The following KCNQ3 variants were observed in gnomAD, a reference collection of about 807,000 sequenced individuals.
KCNQ3 encodes the protein potassium voltage-gated channel subfamily Q member 3, also known as potassium voltage-gated channel subfamily KQT member 3.
Under a neutral mutation model 92.5 loss-of-function variants are expected in KCNQ3, and 30 were observed. The ratio of observed to expected loss-of-function variants is 0.32; its 90% CI spans 0.24 to 0.44. The LOEUF (loss-of-function observed/expected upper bound fraction) is 0.44, where lower values mean the gene tolerates loss of function less well. KCNQ3 is among the 20% of genes least tolerant of loss of function. The probability of loss-of-function intolerance (pLI) is 1.00; values close to 1 mark genes in which losing one functional copy is unlikely to be tolerated. For synonymous variants in KCNQ3, 450 were observed against 468.8 expected (o/e 0.96, Z 0.52); for missense variants, 913 against 1,140.3 (o/e 0.80, Z 2.87).
chr8:132,159,186 C>T (rs1196399860), intron 9 of KCNQ3, among the ~76,000 whole-genome samples: 1 of 152,216 alleles, frequency 6.6e-6, no homozygotes, highest in Non-Finnish European at 1.5e-5. Context: ...ATATGGTTAA[C>T]TGTTCACGTT....
At chr8:132,299,857 C>A (rs1204302787) in intron 1 of KCNQ3, among the ~76,000 whole-genome samples, 1 of 152,216 alleles carries the variant, frequency 6.6e-6, no homozygotes, top group Non-Finnish European at 1.5e-5. Context: ...CACAGACTTG[C>A]GCTCAATGCC....
At chr8:132,377,897 C>T (rs1340354666) in intron 1 of KCNQ3, among the ~76,000 whole-genome samples, 1 of 152,170 alleles carries the variant, frequency 6.6e-6, no homozygotes, top group Non-Finnish European at 1.5e-5. Flanking sequence ...GAAACACTGG[C>T]ATTGTTAGAC....
chr8:132,315,685 T>C (rs1173891059), intron 1 of KCNQ3, among the ~76,000 whole-genome samples: 1 of 152,248 alleles, frequency 6.6e-6, no homozygotes, highest in East Asian at 1.9e-4. Context: ...CTGTTTGTTT[T>C]TCCTTCTGCA....
At chr8:132,184,003 C>T (rs929566116) in intron 3 of KCNQ3, among the ~76,000 whole-genome samples, 2 of 152,106 alleles carry the variant, frequency 1.3e-5, no homozygotes, top group Non-Finnish European at 2.9e-5. Flanking sequence ...TGACACCCTA[C>T]CCTGCCAAAT....
rs868146132 is a variant in KCNQ3, at chr8:132,127,350, G to A, written c.*1912C>T. 6.6e-6 allele frequency: 1 copy of A among 152,216 alleles called. No individual in the cohort carries two copies. Among genetic ancestry groups the A allele is most frequent in the African/African-American group, 2.4e-5 (1 of 41,438 alleles). The allele number at this position is 152,216 out of a possible 1,614,324, so 9.4% of individuals were successfully genotyped here. A position where few individuals can be genotyped will look rare whatever the true frequency, so the allele number is the denominator to read the frequency against. On this transcript the variant is annotated 3_prime_UTR_variant, in exon 15 of 15. Coordinates refer to ENST00000388996, the MANE Select transcript of KCNQ3 (RefSeq NM_004519.4). ...TGCTCACAATGTCTGCCCTTGGCCT[G>A]GGACTTTGGGCTTTGGTTCTAAGTT...
intron 1 of KCNQ3, among the ~76,000 whole-genome samples, chr8:132,218,139 G>A (rs1400096583): frequency 2.0e-5 from 3 of 152,066 alleles, no homozygotes; most frequent in Non-Finnish European, 4.4e-5. Flanking sequence ...TGTACCCCAC[G>A]GAGAAAAAAA....
chr8:132,407,770 G>T (rs931152632), intron 1 of KCNQ3, among the ~76,000 whole-genome samples: 3 of 152,182 alleles, frequency 2.0e-5, no homozygotes, highest in Admixed American at 2.0e-4. Flanking sequence ...TCCTGGTGCT[G>T]CCTCCCCAGA....
At chr8:132,232,386 A>G (rs950951124) in intron 1 of KCNQ3, among the ~76,000 whole-genome samples, 1 of 152,110 alleles carries the variant, frequency 6.6e-6, no homozygotes, top group Non-Finnish European at 1.5e-5. Context: ...TACACACAGG[A>G]CTCAATCGTT....
intron 1 of KCNQ3, among the ~76,000 whole-genome samples, chr8:132,298,733 C>T (rs1586906632): frequency 6.6e-6 from 1 of 152,054 alleles, no homozygotes; most frequent in African/African-American, 2.4e-5. Flanking sequence ...ATGGTGAAAA[C>T]CCATCTCTAC....
At chr8:132,267,398 G>A (rs966015228) in intron 1 of KCNQ3, among the ~76,000 whole-genome samples, 17 of 152,244 alleles carry the variant, frequency 1.1e-4, no homozygotes, top group African/African-American at 3.1e-4. Context: ...GTCTTTGCAC[G>A]TATCCTGGCA....
intron 1 of KCNQ3, among the ~76,000 whole-genome samples, chr8:132,275,707 A>C (rs1816305867): frequency 6.6e-6 from 1 of 151,954 alleles, no homozygotes; most frequent in African/African-American, 2.4e-5. Flanking sequence ...CCTCCCAAGT[A>C]GCTGGGACTA....
Position 132,127,175 on chromosome 8 carries a change from C to A in KCNQ3, c.*2087G>T, listed in dbSNP as rs942367864. 1.3e-5 allele frequency: 2 copies of A among 152,174 alleles called. No homozygotes were observed. The highest frequency in any genetic ancestry group is 2.9e-5 in the Non-Finnish European group (2 of 68,038). 9.4% of individuals were successfully genotyped at this position (152,174 alleles called of 1,614,324 possible). The stretch of plus-strand genomic sequence containing the variant: ...GGGGAAAAGGCCCAAATAACCCATG[C>A]CCTTTGTCCTTCAGATTGCCAGCAT... On this transcript the variant is annotated 3_prime_UTR_variant, in exon 15 of 15. Coordinates refer to ENST00000388996, the MANE Select transcript of KCNQ3 (RefSeq NM_004519.4).
chr8:132,186,295 CAT>C, intron 1 of KCNQ3, 114 bp from the exon 2 acceptor site: 1 of 745,888 alleles, frequency 1.3e-6, no homozygotes, highest in Non-Finnish European at 2.4e-6. Context: ...TGGACATTGA[CAT>C]GTGCTTTATA....
chr8:132,329,225 T>C (rs1818158673), intron 1 of KCNQ3, among the ~76,000 whole-genome samples: 1 of 152,160 alleles, frequency 6.6e-6, no homozygotes, highest in Admixed American at 6.5e-5. Flanking sequence ...GATGTCTCCA[T>C]GTAATTGAGA....
intron 1 of KCNQ3, among the ~76,000 whole-genome samples, chr8:132,341,179 T>G (rs1818517045): frequency 6.6e-6 from 1 of 152,176 alleles, no homozygotes; most frequent in Non-Finnish European, 1.5e-5. Context: ...AGCCAAAGCG[T>G]CAAACACTGA....
chr8:132,355,308 G>A (rs1809179649), intron 1 of KCNQ3, among the ~76,000 whole-genome samples: 1 of 151,998 alleles, frequency 6.6e-6, no homozygotes, highest in Non-Finnish European at 1.5e-5. Context: ...ATGCTGTCCA[G>A]GGCCTCTGTG....
intron 1 of KCNQ3, among the ~76,000 whole-genome samples, chr8:132,213,394 G>C (rs972828830): frequency 2.6e-5 from 4 of 152,162 alleles, no homozygotes; most frequent in Non-Finnish European, 5.9e-5. Flanking sequence ...GGGGAAAAAG[G>C]ATTCTGGCTT....
At chr8:132,432,847 G>T (rs1821288515) in intron 1 of KCNQ3, among the ~76,000 whole-genome samples, 1 of 152,174 alleles carries the variant, frequency 6.6e-6, no homozygotes, top group South Asian at 2.1e-4. Flanking sequence ...TCTTTCTTGT[G>T]CCAGGCACAG....
intron 12 of KCNQ3, among the ~76,000 whole-genome samples, chr8:132,137,535 A>C (rs558855792): frequency 6.6e-6 from 1 of 152,338 alleles, no homozygotes; most frequent in East Asian, 1.9e-4. Flanking sequence ...TATGGTAAAG[A>C]ATTGTATTGA....
Sources: gnomAD v4.1 joint callset for allele counts (sites outside exome capture counted in the v4.1 genomes callset) on GRCh38, gnomAD v4.1.1 for gene constraint, MANE v1.5 for transcripts, NCBI Gene and HGNC (gene_info 2026-07-23, HGNC 2026-07-21) for gene names.